MACROD2: variants seen among roughly 807,000 people sequenced by gnomAD.
MACROD2 encodes the protein ADP-ribose glycohydrolase MACROD2.
MACROD2 carries 36 observed loss-of-function variants against 70.4 expected under a neutral mutation model. The observed-to-expected ratio is 0.51, with a 90% CI of 0.39 to 0.68. The LOEUF is 0.68. Among genes scored for constraint, MACROD2 ranks in the 30% least tolerant of loss-of-function variants. The probability of loss-of-function intolerance (pLI) is 0.00; values close to 1 mark genes in which losing one functional copy is unlikely to be tolerated. For synonymous variants in MACROD2, 172 were observed against 178.8 expected (o/e 0.96, Z 0.30); for missense variants, 496 against 538.4 (o/e 0.92, Z 0.78).
chr20:14,497,834 C>G (rs912266919), intron 4 of MACROD2, among the ~76,000 whole-genome samples: 8 of 151,756 alleles, frequency 5.3e-5, no homozygotes, highest in Non-Finnish European at 1.2e-4. Flanking sequence ...GATTCTGTGG[C>G]AGGTTAATAG....
At chr20:14,659,140 A>G (rs1262906270) in intron 4 of MACROD2, among the ~76,000 whole-genome samples, 1 of 152,138 alleles carries the variant, frequency 6.6e-6, no homozygotes, top group Non-Finnish European at 1.5e-5. Flanking sequence ...GCCTTACAAT[A>G]ACTAGCCTTT....
At chr20:14,479,059 C>T (rs2084631383) in intron 3 of MACROD2, among the ~76,000 whole-genome samples, 1 of 152,206 alleles carries the variant, frequency 6.6e-6, no homozygotes, top group Non-Finnish European at 1.5e-5. Flanking sequence ...CAGCATCTCC[C>T]ACCCACAAGT....
chr20:15,827,842 A>G (rs6131728), intron 8 of MACROD2, among the ~76,000 whole-genome samples: 8,498 of 152,296 alleles, frequency 0.056, 438 homozygotes, highest in East Asian at 0.25. Flanking sequence ...TCTCCACAGC[A>G]ATGGAGCAAG....
At chr20:15,920,828 T>C (rs911988734) in intron 10 of MACROD2, among the ~76,000 whole-genome samples, 8 of 152,218 alleles carry the variant, frequency 5.3e-5, no homozygotes, top group African/African-American at 1.4e-4. Flanking sequence ...ATCTGTATTA[T>C]TAAGTTGTTA....
At chr20:14,190,696 ATATTTTTTTTTTTTTT>A (rs1469631109) in intron 3 of MACROD2, among the ~76,000 whole-genome samples, 18 of 39,874 alleles carry the variant, frequency 4.5e-4, no homozygotes, top group Admixed American at 2.6e-3. Context: ...ATATATATAT[ATATTTTTTTTTTTTTT>A]TTTTTTTTTT....
intron 6 of MACROD2, among the ~76,000 whole-genome samples, chr20:15,278,209 A>G (rs374718329): frequency 1.7e-4 from 26 of 152,294 alleles, no homozygotes; most frequent in African/African-American, 6.3e-4. Flanking sequence ...TTTGCCCCTG[A>G]GTCATACCCA....
chr20:16,031,316 T>A (rs1464077175), intron 15 of MACROD2, among the ~76,000 whole-genome samples: 2 of 152,182 alleles, frequency 1.3e-5, no homozygotes, highest in Non-Finnish European at 2.9e-5. Flanking sequence ...CCCTGAAAAG[T>A]TTGAGTATAC....
intron 3 of MACROD2, among the ~76,000 whole-genome samples, chr20:14,225,949 C>T (rs2081729249): frequency 6.6e-6 from 1 of 152,166 alleles, no homozygotes; most frequent in Non-Finnish European, 1.5e-5. Context: ...TCTTACTTCC[C>T]TGAAACCACT....
chr20:15,147,094 G>A (rs1266484004), intron 5 of MACROD2, among the ~76,000 whole-genome samples: 1 of 152,132 alleles, frequency 6.6e-6, no homozygotes, highest in African/African-American at 2.4e-5. Flanking sequence ...GTATCCCCCA[G>A]GAGAACAAGC....
At chr20:15,603,078 A>G (rs2048844715) in intron 8 of MACROD2, among the ~76,000 whole-genome samples, 1 of 152,128 alleles carries the variant, frequency 6.6e-6, no homozygotes, top group East Asian at 1.9e-4. Context: ...AGCTACTTCT[A>G]ATTGAAGCAC....
chr20:14,416,593 C>T (rs761510221), intron 3 of MACROD2, among the ~76,000 whole-genome samples: 6 of 152,118 alleles, frequency 3.9e-5, no homozygotes, highest in African/African-American at 1.2e-4. Flanking sequence ...AAAATTGAGT[C>T]GTATTGAAGC....
intron 5 of MACROD2, among the ~76,000 whole-genome samples, chr20:14,978,257 T>G (rs1220257305): frequency 6.6e-6 from 1 of 152,148 alleles, no homozygotes; most frequent in Non-Finnish European, 1.5e-5. Flanking sequence ...GATTAAACCA[T>G]GTATATGTAT....
At chr20:15,078,772 G>A (rs566860296) in intron 5 of MACROD2, among the ~76,000 whole-genome samples, 5 of 150,206 alleles carry the variant, frequency 3.3e-5, no homozygotes, top group South Asian at 2.1e-4. Context: ...TCAGCCTCTC[G>A]AGTAGCTGGG....
intron 3 of MACROD2, among the ~76,000 whole-genome samples, chr20:14,257,745 T>C (rs1568524589): frequency 6.6e-6 from 1 of 152,204 alleles, no homozygotes; most frequent in Non-Finnish European, 1.5e-5. Flanking sequence ...CCTTTATTTA[T>C]TTATTTAAAT....
At chr20:14,309,196 T>C (rs548598583) in intron 3 of MACROD2, among the ~76,000 whole-genome samples, 3 of 152,290 alleles carry the variant, frequency 2.0e-5, no homozygotes, top group Non-Finnish European at 4.4e-5. Context: ...AAATGAGGAT[T>C]ACCCAAGACC....
intron 3 of MACROD2, among the ~76,000 whole-genome samples, chr20:14,451,293 T>C (rs1349067100): frequency 1.3e-5 from 2 of 151,730 alleles, no homozygotes; most frequent in East Asian, 3.9e-4. Context: ...AACAGAAAAA[T>C]TTAAAATTAG....
Position 15,961,635 on chromosome 20 carries a change from A to G in MACROD2, c.908-5918A>G, listed in dbSNP as rs543239555. Among the ~76,000 whole-genome samples, 16 of 152,356 alleles carry G rather than the reference A, an allele frequency of 1.1e-4. No individual in the cohort carries two copies. In the South Asian group the frequency reaches 3.3e-3, roughly 32 times the overall value. On this transcript the variant is annotated intron_variant, in intron 12 of 17. Transcript: ENST00000684519. Reference sequence around the variant, plus strand: ...CAGAGCTAAGGCCACAAAAGCCTTTATCATTTTTCCTAAGAAGGTTCTTTC... The same window carrying G: ...CAGAGCTAAGGCCACAAAAGCCTTTGTCATTTTTCCTAAGAAGGTTCTTTC...
intron 3 of MACROD2, among the ~76,000 whole-genome samples, chr20:14,217,621 G>A (rs1407094001): frequency 6.6e-6 from 1 of 152,124 alleles, no homozygotes; most frequent in African/African-American, 2.4e-5. Flanking sequence ...GAATTCTGCT[G>A]TGAATCCGTC....
intron 5 of MACROD2, among the ~76,000 whole-genome samples, chr20:14,855,700 A>AAT (rs1309116759): frequency 7.1e-6 from 1 of 141,006 alleles, no homozygotes; most frequent in African/African-American, 2.7e-5. Context: ...CTATTACGTT[A>AAT]ATATCTTTGT....
Sources: allele counts gnomAD v4.1 joint callset (sites outside exome capture counted in the v4.1 genomes callset), GRCh38; gene constraint gnomAD v4.1.1; transcripts MANE v1.5; gene names NCBI Gene and HGNC (gene_info 2026-07-23, HGNC 2026-07-21).